The following POLN variants were observed in gnomAD, a reference collection of about 807,000 sequenced individuals.
POLN encodes the protein DNA polymerase N.
A neutral mutation model predicts 113.5 loss-of-function variants in POLN; 108 were observed. The observed-to-expected ratio is 0.95, with a 90% confidence interval of 0.81 to 1.12. The LOEUF (loss-of-function observed/expected upper bound fraction) is 1.12. Ranked by LOEUF, POLN falls within the 50% of genes most tolerant of loss-of-function variation. The pLI, the probability that POLN is intolerant of heterozygous loss-of-function variation, is 0.00. For synonymous variants in POLN, 386 were observed against 391.5 expected, an observed-to-expected ratio of 0.99 and a Z score of 0.17; for missense variants, 1,097 against 1,077.1, an observed-to-expected ratio of 1.02 and a Z score of -0.26.
At chr4:2,110,515 A>G (rs1184184997) in intron 19 of POLN, among the ~76,000 whole-genome samples, 1 of 152,232 alleles carries the variant, frequency 6.6e-6, no homozygotes, top group Admixed American at 6.5e-5. Flanking sequence ...AGAAGAAAAG[A>G]GAGAAGAATC....
chr4:2,157,950 C>A, intron 14 of POLN, 39 bp from the exon 15 acceptor site: 2 of 1,527,434 alleles, frequency 1.3e-6, no homozygotes, highest in Non-Finnish European at 1.8e-6. Context: ...TTCTTTAAGT[C>A]TTAAGTCTTT....
At chr4:2,223,176 A>G (rs938134413) in intron 3 of POLN, among the ~76,000 whole-genome samples, 1 of 152,208 alleles carries the variant, frequency 6.6e-6, no homozygotes, top group African/African-American at 2.4e-5. Flanking sequence ...AATTACAGTC[A>G]TGCAGGGATA....
chr4:2,135,195 G>T (rs914349785), intron 16 of POLN, among the ~76,000 whole-genome samples: 2 of 152,218 alleles, frequency 1.3e-5, no homozygotes, highest in Non-Finnish European at 2.9e-5. Context: ...GAGGGAAGAA[G>T]AGAGTACTTC....
At chr4:2,107,379 T>C (rs1258083439) in intron 19 of POLN, among the ~76,000 whole-genome samples, 1 of 152,228 alleles carries the variant, frequency 6.6e-6, no homozygotes, top group Non-Finnish European at 1.5e-5. Flanking sequence ...TAGTATCTTT[T>C]CTCATCTGAG....
rs76235293 is a variant in POLN, at chr4:2,167,060, C to T, written c.1554+3619G>A. Among the ~76,000 whole-genome samples the T allele has an allele frequency of 8.9e-4, 135 of 152,272 alleles. No individual in the cohort carries two copies. In the East Asian group the frequency reaches 0.025, roughly 28 times the overall value. ...GACCTTTTCCCCACTAAACCATCAACGGTGTCTAACACAGAGCCAGGGCCA... is the reference window on the plus strand; with the variant it reads ...GACCTTTTCCCCACTAAACCATCAATGGTGTCTAACACAGAGCCAGGGCCA... On this transcript the variant is annotated intron_variant, in intron 13 of 25. Coordinates refer to ENST00000511885, the MANE Select transcript of POLN (RefSeq NM_181808.4).
intron 19 of POLN, among the ~76,000 whole-genome samples, chr4:2,111,700 T>C (rs1343706128): frequency 6.6e-6 from 1 of 152,176 alleles, no homozygotes; most frequent in Non-Finnish European, 1.5e-5. Context: ...GAAGGACCTC[T>C]TCAAGGAGAA....
At chr4:2,192,114 C>CA (rs772637540) in intron 7 of POLN, among the ~76,000 whole-genome samples, 909 of 66,354 alleles carry the variant, frequency 0.014, 14 homozygotes, top group South Asian at 0.019. Context: ...GACTCCATCT[C>CA]AAAAAAAAAA....
At chr4:2,103,963 G>A (rs1730988317) in intron 19 of POLN, among the ~76,000 whole-genome samples, 1 of 152,302 alleles carries the variant, frequency 6.6e-6, no homozygotes, top group South Asian at 2.1e-4. Flanking sequence ...TTCAAGAAAT[G>A]CTCAAGGGAG....
Position 2,213,954 on chromosome 4 carries a change from G to A in POLN, c.134-828C>T, listed in dbSNP as rs550551248. ...CGAAAAGACAAGAAATGTAAGCTTA[G>A]GCCGGGCGTGGTGACTCACGCCTGT... On this transcript the variant is annotated intron_variant, in intron 3 of 25. Coordinates refer to ENST00000511885, the MANE Select transcript of POLN (RefSeq NM_181808.4). 5.9e-5 allele frequency among the ~76,000 whole-genome samples: 9 copies of A among 152,288 alleles called. No homozygotes were observed. The South Asian group carries it at 1.9e-3, about 32-fold the overall frequency.
At chr4:2,085,173 A>G (rs35401275) in intron 21 of POLN, among the ~76,000 whole-genome samples, 2 of 152,342 alleles carry the variant, frequency 1.3e-5, no homozygotes, top group African/African-American at 4.8e-5. Context: ...ATGGCTACAC[A>G]TACTCAGACA....
At chr4:2,173,508 C>A (rs932164653) in intron 11 of POLN, among the ~76,000 whole-genome samples, 39 of 149,120 alleles carry the variant, frequency 2.6e-4, no homozygotes, top group African/African-American at 9.3e-4. Context: ...TCATCTTTGC[C>A]CCGCCCCGCC....
chr4:2,138,558 C>T (rs1375810722), intron 16 of POLN, among the ~76,000 whole-genome samples: 3 of 152,128 alleles, frequency 2.0e-5, no homozygotes, highest in African/African-American at 2.4e-5. Context: ...GCTGAGGAAT[C>T]GCCACCCCCA....
chr4:2,218,591 T>G (rs946053434), intron 3 of POLN, among the ~76,000 whole-genome samples: 1 of 152,192 alleles, frequency 6.6e-6, no homozygotes, highest in East Asian at 1.9e-4. Flanking sequence ...GCAAGACAGC[T>G]AACAAACTTG....
At chr4:2,178,842 C>T (rs1361634730) in intron 8 of POLN, among the ~76,000 whole-genome samples, 1 of 152,142 alleles carries the variant, frequency 6.6e-6, no homozygotes, top group Non-Finnish European at 1.5e-5. Context: ...GAACTCCTGG[C>T]CTCGAGTGAT....
At chr4:2,095,967 C>T in intron 19 of POLN, 34 bp from the exon 20 acceptor site, 3 of 1,590,350 alleles carry the variant, frequency 1.9e-6, no homozygotes, top group Non-Finnish European at 2.6e-6. Flanking sequence ...AGTTCAGGCA[C>T]AGAAGGCACT....
chr4:2,113,823 G>A (rs1013269948), intron 19 of POLN, among the ~76,000 whole-genome samples: 15 of 150,486 alleles, frequency 1.0e-4, no homozygotes, highest in South Asian at 2.1e-4. Flanking sequence ...GTGCCTTTGC[G>A]TGCTGGCCTG....
chr4:2,111,149 T>A (rs62288003), intron 19 of POLN, among the ~76,000 whole-genome samples: 9 of 152,184 alleles, frequency 5.9e-5, no homozygotes, highest in Non-Finnish European at 1.3e-4. Context: ...CCACATGATT[T>A]TCTCAATAGA....
chr4:2,159,349 A>G, intron 13 of POLN, 138 bp from the exon 14 acceptor site: 1 of 694,150 alleles, frequency 1.4e-6, no homozygotes, highest in Non-Finnish European at 2.4e-6. Context: ...TAATAAACTC[A>G]AGTTTATCAA....
intron 19 of POLN, among the ~76,000 whole-genome samples, chr4:2,123,962 T>C (rs1032302937): frequency 2.0e-5 from 3 of 152,314 alleles, no homozygotes; most frequent in South Asian, 2.1e-4. Context: ...CTTATTTATA[T>C]TGAAATATAT....
Sources: allele counts gnomAD v4.1 joint callset (sites outside exome capture counted in the v4.1 genomes callset), GRCh38; gene constraint gnomAD v4.1.1; transcripts MANE v1.5; gene names NCBI Gene and HGNC (gene_info 2026-07-23, HGNC 2026-07-21).